Variants in GLYATL3 observed in about 807,000 individuals in gnomAD.
The protein encoded by GLYATL3 is glycine N-acyltransferase-like protein 3.
GLYATL3 carries 31 observed loss-of-function variants against 28.5 expected under a neutral mutation model. The observed-to-expected ratio is 1.09, with a 90% CI of 0.82 to 1.47. GLYATL3 has a LOEUF of 1.47. GLYATL3 is among the 40% of genes most tolerant of loss of function. The probability of loss-of-function intolerance (pLI) is 0.00; values close to 1 mark genes in which losing one functional copy is unlikely to be tolerated. For synonymous variants in GLYATL3, 141 were observed against 140.2 expected (o/e 1.01, Z -0.04); for missense variants, 369 against 351.5 (o/e 1.05, Z -0.40).
At chr6:49,526,375 T>G in intron 5 of GLYATL3, 113 bp from the exon 6 acceptor site, 7 of 856,486 alleles carry the variant, frequency 8.2e-6, no homozygotes, top group Non-Finnish European at 1.3e-5. Flanking sequence ...ATCACGCCAC[T>G]GCACTCCAGC....
chr6:49,525,093 ATTT>A (rs10630585), intron 5 of GLYATL3, among the ~76,000 whole-genome samples: 1 of 141,346 alleles, frequency 7.1e-6, no homozygotes. Context: ...ATTCTAAAAC[ATTT>A]TTTTTTTTTT....
At chr6:49,520,175 CTG>C (rs1420705333) in intron 4 of GLYATL3, among the ~76,000 whole-genome samples, 1 of 152,170 alleles carries the variant, frequency 6.6e-6, no homozygotes, top group African/African-American at 2.4e-5. Context: ...AAATCCAAGA[CTG>C]TGAAAACTGC....
chr6:49,504,131 T>C (rs1385243867), intron 1 of GLYATL3, among the ~76,000 whole-genome samples: 8 of 152,102 alleles, frequency 5.3e-5, no homozygotes, highest in East Asian at 3.9e-4. Context: ...GAGGCAGAGG[T>C]TGAGCCAGAC....
At position 49,526,496 on chromosome 6, in the gene GLYATL3, C is replaced by T. The variant is rs1561981225; in HGVS notation, c.449C>T (p.Pro150Leu). 6.4e-7 allele frequency: 1 copy of T among 1,551,200 alleles called. No homozygotes were observed. The highest frequency in any genetic ancestry group is 8.7e-7 in the Non-Finnish European group (1 of 1,146,630). ...SLPDTSFLKG[P>L]SPRLTYLSVA... ...GTGTCATTCTGGTCTAGCAAGGGGC[C>T]TTCCCCACGACTAACCTACCTGAGT... is the stretch of plus-strand genomic sequence containing the variant. The change falls in exon 6 of 6, where the codon CCT becomes CTT. Residue 150 changes from proline (P) to leucine (L), a missense_variant. Coordinates refer to ENST00000371197, the MANE Select transcript of GLYATL3 (RefSeq NM_001010904.2).
chr6:49,508,331 A>T (rs1769054167), intron 1 of GLYATL3, among the ~76,000 whole-genome samples: 1 of 152,092 alleles, frequency 6.6e-6, no homozygotes, highest in Admixed American at 6.5e-5. Context: ...AACAACAAAA[A>T]CCAGAAACAC....
At chr6:49,520,137 C>T (rs1009033798) in intron 4 of GLYATL3, among the ~76,000 whole-genome samples, 2 of 152,082 alleles carry the variant, frequency 1.3e-5, no homozygotes, top group Non-Finnish European at 2.9e-5. Context: ...AGGACATGAT[C>T]AAGAACACCA....
chr6:49,515,808 G>C (rs1484978082), intron 3 of GLYATL3, 48 bp downstream of exon 3: 1 of 1,031,658 alleles, frequency 9.7e-7, no homozygotes, highest in Non-Finnish European at 1.5e-6. Flanking sequence ...GAATTGGAAA[G>C]AAAAAGTAGG....
chr6:49,501,075 G>A (rs910584117), intron 1 of GLYATL3, among the ~76,000 whole-genome samples: 4 of 152,178 alleles, frequency 2.6e-5, no homozygotes, highest in African/African-American at 9.7e-5. Flanking sequence ...AGAAGGGTAA[G>A]TTGAAGCCAA....
chr6:49,524,607 T>G (rs1399987809), intron 5 of GLYATL3, among the ~76,000 whole-genome samples: 1 of 152,166 alleles, frequency 6.6e-6, no homozygotes, highest in Non-Finnish European at 1.5e-5. Context: ...TGAAAGCTAG[T>G]GGCCTATACA....
At chr6:49,518,328 A>G (rs1354924268) in intron 4 of GLYATL3, among the ~76,000 whole-genome samples, 1 of 152,212 alleles carries the variant, frequency 6.6e-6, no homozygotes, top group Non-Finnish European at 1.5e-5. Flanking sequence ...TTATGCCAGG[A>G]GAGAAGAAGA....
intron 5 of GLYATL3, among the ~76,000 whole-genome samples, chr6:49,524,003 T>G (rs891549848): frequency 2.7e-5 from 4 of 150,862 alleles, no homozygotes; most frequent in Non-Finnish European, 5.9e-5. Flanking sequence ...ATTTTGTCTT[T>G]TTTTTTTTTT....
In GLYATL3 at chr6:49,519,043, T is replaced by C. The variant is rs1378713394; in HGVS notation, c.313+1487T>C. ...ACAGATTTGCCCCAGTCACGCTGGT[T>C]AGAAATGAGACATGATTCTATCACT... On this transcript the variant is annotated intron_variant, in intron 4 of 5. Transcript: ENST00000371197. Among the ~76,000 whole-genome samples, 7 of 152,318 alleles carry C rather than the reference T, an allele frequency of 4.6e-5. No individual in the cohort carries two copies. In the South Asian group the frequency reaches 1.5e-3, roughly 32 times the overall value.
intron 4 of GLYATL3, 40 bp downstream of exon 4, chr6:49,517,596 T>C: frequency 6.7e-7 from 1 of 1,493,980 alleles, no homozygotes. Flanking sequence ...CAGTCTTTTT[T>C]TTCCTCCTTA....
chr6:49,521,878 G>A, intron 5 of GLYATL3, 107 bp downstream of exon 5: 1 of 966,770 alleles, frequency 1.0e-6, no homozygotes, highest in Non-Finnish European at 1.5e-6. Flanking sequence ...AGGCACTCTG[G>A]ATTTCAACCA....
intron 5 of GLYATL3, 96 bp downstream of exon 5, chr6:49,521,867 C>T: frequency 9.1e-7 from 1 of 1,095,266 alleles, no homozygotes; most frequent in Non-Finnish European, 1.3e-6. Flanking sequence ...ATGGAATATC[C>T]AGGCACTCTG....
intron 5 of GLYATL3, among the ~76,000 whole-genome samples, chr6:49,524,090 A>G (rs1189181414): frequency 4.6e-5 from 7 of 151,588 alleles, no homozygotes; most frequent in African/African-American, 1.5e-4. Flanking sequence ...CGTGAACTCT[A>G]TTTTGAACAC....
intron 4 of GLYATL3, among the ~76,000 whole-genome samples, chr6:49,518,775 C>T (rs920083811): frequency 9.9e-5 from 15 of 151,936 alleles, no homozygotes; most frequent in African/African-American, 3.6e-4. Flanking sequence ...CCCGTCTCTA[C>T]TAAAAATACA....
At chr6:49,511,744 A>C (rs180773023) in intron 1 of GLYATL3, among the ~76,000 whole-genome samples, 25 of 152,232 alleles carry the variant, frequency 1.6e-4, no homozygotes, top group Non-Finnish European at 2.8e-4. Flanking sequence ...TTAACCAAGG[A>C]TAGATACTCA....
chr6:49,523,714 T>C (rs1030465923), intron 5 of GLYATL3, among the ~76,000 whole-genome samples: 1 of 152,236 alleles, frequency 6.6e-6, no homozygotes, highest in Non-Finnish European at 1.5e-5. Context: ...ATTTCCGATA[T>C]TGTCGTAATA....
Sources: gnomAD v4.1 joint callset for allele counts (sites outside exome capture counted in the v4.1 genomes callset) on GRCh38, gnomAD v4.1.1 for gene constraint, MANE v1.5 for transcripts, NCBI Gene and HGNC (gene_info 2026-07-23, HGNC 2026-07-21) for gene names.